Variants in KCNC4 observed in about 807,000 individuals in gnomAD.
The protein encoded by KCNC4 is voltage-gated potassium channel KCNC4.
Under a neutral mutation model 42.8 loss-of-function variants are expected in KCNC4, and 23 were observed. The ratio of observed to expected loss-of-function variants is 0.54; its 90% CI spans 0.39 to 0.76. KCNC4 has a LOEUF of 0.76. KCNC4 is among the 30% of genes least tolerant of loss of function. KCNC4 has a pLI of 0.00. For missense variants in KCNC4, 751 were observed against 898.2 expected, an observed-to-expected ratio of 0.84 and a Z score of 2.10; for synonymous variants, 422 against 393.5, an observed-to-expected ratio of 1.07 and a Z score of -0.86.
At chr1:110,271,894 T>C (rs1413727145) in intron 1 of KCNC4, among the ~76,000 whole-genome samples, 1 of 152,080 alleles carries the variant, frequency 6.6e-6, no homozygotes, top group African/African-American at 2.4e-5. Flanking sequence ...CGTTCACACA[T>C]GAAAGGCTAA....
At chr1:110,244,537 G>T (rs116568171) in exon 4 of KCNC4, 2,043 of 152,366 alleles carry the variant, frequency 0.013, 17 homozygotes, top group South Asian at 0.034. Context: ...CCATGGGCTG[G>T]TTCCTTCCCT....
intron 1 of KCNC4, among the ~76,000 whole-genome samples, chr1:110,258,915 C>A (rs1659380377): frequency 6.6e-6 from 1 of 152,198 alleles, no homozygotes. Flanking sequence ...GAGTACCTCC[C>A]ACACAAGGTC....
In KCNC4 at chr1:110,223,203, G is replaced by A. The variant is rs149474224; in HGVS notation, c.918G>A (p.Thr306=). The change falls in exon 2 of 4, where the codon ACG becomes ACA. Residue 306 remains threonine, a synonymous_variant. Coordinates refer to ENST00000438661, the MANE Select transcript of KCNC4 (RefSeq NM_001039574.3). The surrounding 1 kb of genome is among the most constrained non-coding windows in gnomAD (Gnocchi z 7.5). ...TGCGCATCGTGTGCTGCCCCGACAC[G>A]CTGGACTTCGTCAAGAACCTGCTCA... ...FLVRIVCCPD[T]LDFVKNLLNI... 2.8e-4 allele frequency: 450 copies of A among 1,614,234 alleles called. No individual in the cohort carries two copies. The highest frequency in any genetic ancestry group is 2.0e-3 in the Middle Eastern group (12 of 6,062).
chr1:110,217,693 A>G (rs938165336), intron 1 of KCNC4, among the ~76,000 whole-genome samples: 1 of 152,152 alleles, frequency 6.6e-6, no homozygotes, highest in Non-Finnish European at 1.5e-5. Flanking sequence ...GGTTCTGGAC[A>G]CTGGGACCAG....
intron 1 of KCNC4, among the ~76,000 whole-genome samples, chr1:110,266,699 C>T (rs920321857): frequency 9.2e-5 from 14 of 152,316 alleles, no homozygotes; most frequent in Middle Eastern, 3.4e-3. Context: ...TCTGCCACAG[C>T]TGTTGTTGCC....
chr1:110,248,375 T>C (rs1238363056), exon 4 of KCNC4: 1 of 152,232 alleles, frequency 6.6e-6, no homozygotes, highest in Non-Finnish European at 1.5e-5. Context: ...TTGTTTGACT[T>C]TGTCATTTGC....
At position 110,211,953 on chromosome 1, in the gene KCNC4, C is replaced by T. The variant is rs1349133027; in HGVS notation, c.454C>T (p.Arg152Cys). 1 of 1,611,182 alleles carries T rather than the reference C, an allele frequency of 6.2e-7. No individual in the cohort carries two copies. The highest frequency in any genetic ancestry group is 8.5e-7 in the Non-Finnish European group (1 of 1,179,724). Residue 152 changes from arginine (R) to cysteine (C), a missense_variant, in exon 1 of 4, where the codon CGC becomes TGC. Coordinates refer to ENST00000438661, the MANE Select transcript of KCNC4 (RefSeq NM_001039574.3). The surrounding 1 kb of genome is among the most constrained non-coding windows in gnomAD (Gnocchi z 6.5). Reference sequence around the variant, plus strand: ...CTGCTGGATGACCTACCGGCAGCACCGCGACGCCGAGGAGGCGCTCGACAT... The same window carrying T: ...CTGCTGGATGACCTACCGGCAGCACTGCGACGCCGAGGAGGCGCTCGACAT... ...PCCWMTYRQH[R>C]DAEEALDIFE...
chr1:110,232,613 A>G (rs1055496023), intron 3 of KCNC4: 20 of 1,440,546 alleles, frequency 1.4e-5, no homozygotes, highest in Non-Finnish European at 1.7e-5. Context: ...GCGATGAGCT[A>G]CAACATCACC....
chr1:110,222,074 C>G (rs945347501), intron 1 of KCNC4: 2 of 152,202 alleles, frequency 1.3e-5, no homozygotes, highest in Non-Finnish European at 2.9e-5. Context: ...GTTCCTTTTT[C>G]TTTGGAGCTC....
At chr1:110,264,640 T>C (rs1370158900) in intron 1 of KCNC4, among the ~76,000 whole-genome samples, 1 of 152,224 alleles carries the variant, frequency 6.6e-6, no homozygotes, top group Non-Finnish European at 1.5e-5. Context: ...TTTAAGCCAC[T>C]GTTACCTTCC....
chr1:110,232,667 C>T (rs1658756051), intron 3 of KCNC4: 8 of 1,464,936 alleles, frequency 5.5e-6, no homozygotes, highest in Non-Finnish European at 7.2e-6. Flanking sequence ...AGGGTTCACC[C>T]CATTCCCTGA....
At chr1:110,218,514 C>A (rs1029059916) in intron 1 of KCNC4, among the ~76,000 whole-genome samples, 2 of 152,002 alleles carry the variant, frequency 1.3e-5, no homozygotes, top group African/African-American at 4.8e-5. Context: ...TTTTTCATAA[C>A]CCTTAGACCA....
intron 1 of KCNC4, 121 bp from the exon 2 acceptor site, chr1:110,222,843 A>G: frequency 1.4e-6 from 1 of 693,854 alleles, no homozygotes; most frequent in Non-Finnish European, 2.5e-6. Flanking sequence ...TCCATACGTT[A>G]ATCCCACCTC....
chr1:110,221,924 A>G (rs1658116716), intron 1 of KCNC4: 1 of 152,196 alleles, frequency 6.6e-6, no homozygotes, highest in Non-Finnish European at 1.5e-5. Context: ...GTTATTACAC[A>G]TGCATTTCAT....
At chr1:110,213,201 C>A in intron 1 of KCNC4, among the ~76,000 whole-genome samples, 1 of 79,302 alleles carries the variant, frequency 1.3e-5, no homozygotes, top group Admixed American at 1.1e-4. Context: ...AAAAAAATCC[C>A]TGAAGGATGG....
chr1:110,218,417 C>T (rs1387576493), intron 1 of KCNC4, among the ~76,000 whole-genome samples: 3 of 152,166 alleles, frequency 2.0e-5, no homozygotes, highest in Non-Finnish European at 4.4e-5. Context: ...GTTCAGGTGT[C>T]ACCTTGTCAT....
chr1:110,281,247 T>C (rs1288592123), intron 1 of KCNC4, among the ~76,000 whole-genome samples: 1 of 151,946 alleles, frequency 6.6e-6, no homozygotes, highest in Non-Finnish European at 1.5e-5. Flanking sequence ...GGGTTTCTCC[T>C]CCCAGACTTG....
chr1:110,227,715 C>G (rs1314199601), intron 3 of KCNC4, among the ~76,000 whole-genome samples: 1 of 152,130 alleles, frequency 6.6e-6, no homozygotes, highest in South Asian at 2.1e-4. Context: ...GTGTAGGACT[C>G]GAGCACACAG....
intron 1 of KCNC4, among the ~76,000 whole-genome samples, chr1:110,218,962 T>C (rs571294694): frequency 3.3e-5 from 5 of 152,272 alleles, no homozygotes; most frequent in African/African-American, 1.2e-4. Context: ...TCCTGCATCC[T>C]CCCAGCAGGA....
Sources: allele counts gnomAD v4.1 joint callset (sites outside exome capture counted in the v4.1 genomes callset), GRCh38; gene constraint gnomAD v4.1.1; non-coding constraint Gnocchi (gnomAD v3.1); transcripts MANE v1.5; gene names NCBI Gene and HGNC (gene_info 2026-07-23, HGNC 2026-07-21).